The following HDAC8 variants were observed in gnomAD, a reference collection of about 807,000 sequenced individuals.
The protein encoded by HDAC8 is histone deacetylase 8.
HDAC8 carries 1 observed loss-of-function variant against 32.2 expected under a neutral mutation model. The ratio of observed to expected loss-of-function variants is 0.03; its 90% CI spans 0.01 to 0.15. The LOEUF (loss-of-function observed/expected upper bound fraction) is 0.15, where lower values mean the gene tolerates loss of function less well. Among genes scored for constraint, HDAC8 ranks in the 10% least tolerant of loss-of-function variants. The probability of loss-of-function intolerance (pLI) is 1.00; values close to 1 mark genes in which losing one functional copy is unlikely to be tolerated. For missense variants in HDAC8, 117 were observed against 300.0 expected, an observed-to-expected ratio of 0.39 and a Z score of 4.51; for synonymous variants, 108 against 113.9, an observed-to-expected ratio of 0.95 and a Z score of 0.33.
intron 4 of HDAC8, among the ~76,000 whole-genome samples, chrX:72,507,077 G>A (rs977487603): frequency 4.5e-5 from 5 of 110,815 alleles, no homozygotes; most frequent in Middle Eastern, 4.6e-3. Context: ...TCGAACTCCC[G>A]AGCTCAAGCA....
intron 6 of HDAC8, among the ~76,000 whole-genome samples, chrX:72,490,082 T>A (rs1466247239): frequency 3.6e-5 from 4 of 110,433 alleles, no homozygotes; most frequent in Non-Finnish European, 5.7e-5. Context: ...AGAATGGCGA[T>A]CATTAAAAAG....
chrX:72,462,788 C>A (rs1015454915), intron 8 of HDAC8, among the ~76,000 whole-genome samples: 4 of 111,502 alleles, frequency 3.6e-5, no homozygotes, highest in Admixed American at 9.5e-5. Flanking sequence ...CTCTGCCATG[C>A]AAGCATTAGA....
intron 4 of HDAC8, among the ~76,000 whole-genome samples, chrX:72,526,015 T>C (rs1390282125): frequency 9.2e-6 from 1 of 108,648 alleles, no homozygotes; most frequent in Non-Finnish European, 1.9e-5. Context: ...AAGAATCGTT[T>C]GAGCCCAGGA....
intron 9 of HDAC8, among the ~76,000 whole-genome samples, chrX:72,440,959 C>A (rs189815748): frequency 8.9e-6 from 1 of 112,856 alleles, no homozygotes; most frequent in African/African-American, 3.2e-5. Flanking sequence ...GTTCAAACTG[C>A]AAGGCGGCAG....
intron 10 of HDAC8, among the ~76,000 whole-genome samples, chrX:72,343,379 C>T (rs782494793): frequency 6.4e-5 from 7 of 109,780 alleles, no homozygotes; most frequent in African/African-American, 2.3e-4. Context: ...TGCCATGTTG[C>T]CCAGGCTGGT....
intron 9 of HDAC8, among the ~76,000 whole-genome samples, chrX:72,460,921 C>G (rs1369952915): frequency 8.9e-6 from 1 of 112,125 alleles, no homozygotes; most frequent in Non-Finnish European, 1.9e-5. Context: ...ACCCTGACAT[C>G]AGCAAATTGT....
At chrX:72,393,089 T>C in intron 9 of HDAC8, among the ~76,000 whole-genome samples, 1 of 112,055 alleles carries the variant, frequency 8.9e-6, no homozygotes, top group South Asian at 3.8e-4. Context: ...AGGTCAAAGC[T>C]AAAATCCGTT....
chrX:72,468,270 G>A (rs143447239), intron 7 of HDAC8, among the ~76,000 whole-genome samples: 3,021 of 111,447 alleles, frequency 0.027, 96 homozygotes, highest in African/African-American at 0.093. Flanking sequence ...TAGGGTCAAC[G>A]TGACGAAGTC....
chrX:72,487,687 T>A (rs1368109093), intron 7 of HDAC8, among the ~76,000 whole-genome samples: 3 of 104,361 alleles, frequency 2.9e-5, no homozygotes, highest in Non-Finnish European at 5.8e-5. Context: ...GAGGAGACAC[T>A]GTGGACAGTG....
At chrX:72,378,335 T>G (rs782761106) in intron 9 of HDAC8, among the ~76,000 whole-genome samples, 1 of 111,392 alleles carries the variant, frequency 9.0e-6, no homozygotes, top group Non-Finnish European at 1.9e-5. Flanking sequence ...AGAAATGGAT[T>G]AGTTCCTGCA....
Position 72,512,018 on chromosome X carries a change from G to A in HDAC8, c.438-16750C>T, listed in dbSNP as rs781838652. 1.2e-4 allele frequency among the ~76,000 whole-genome samples: 13 copies of A among 111,668 alleles called. No homozygotes were observed. The South Asian group carries it at 2.6e-3, about 23-fold the overall frequency. On this transcript the variant is annotated intron_variant, in intron 4 of 10. Coordinates refer to ENST00000373573, the MANE Select transcript of HDAC8 (RefSeq NM_018486.3). Reference sequence around the variant, plus strand: ...TCAATATCTTTCATCTGTAGGCTGCGACTTCTTAGCAAAATGGTGATTATA... The same window carrying A: ...TCAATATCTTTCATCTGTAGGCTGCAACTTCTTAGCAAAATGGTGATTATA...
At chrX:72,559,912 A>G (rs1460813310) in intron 4 of HDAC8, among the ~76,000 whole-genome samples, 1 of 97,589 alleles carries the variant, frequency 1.0e-5, no homozygotes, top group Non-Finnish European at 2.1e-5. Context: ...GGCAGCCCCC[A>G]CCCCGCCAGC....
chrX:72,564,498 A>C (rs2051706805), intron 4 of HDAC8, among the ~76,000 whole-genome samples: 1 of 112,675 alleles, frequency 8.9e-6, no homozygotes, highest in Admixed American at 9.4e-5. Context: ...TTCTAAGCTT[A>C]GAAAATTCTT....
chrX:72,428,186 C>G (rs1253511970), intron 9 of HDAC8, among the ~76,000 whole-genome samples: 2 of 112,265 alleles, frequency 1.8e-5, no homozygotes, highest in African/African-American at 6.5e-5. Flanking sequence ...CTCCGCCTCC[C>G]AGGTTCACGC....
chrX:72,509,405 G>A (rs886526186), intron 4 of HDAC8, among the ~76,000 whole-genome samples: 2 of 111,583 alleles, frequency 1.8e-5, no homozygotes, highest in South Asian at 3.8e-4. Flanking sequence ...CACCCCGCCC[G>A]GCCTCTCTTA....
At chrX:72,355,852 G>C (rs1292469051) in intron 9 of HDAC8, among the ~76,000 whole-genome samples, 2 of 112,109 alleles carry the variant, frequency 1.8e-5, no homozygotes, top group African/African-American at 6.5e-5. Flanking sequence ...TTTTATCCTT[G>C]CTTCAACATT....
At chrX:72,455,176 T>C (rs2047686828) in intron 9 of HDAC8, among the ~76,000 whole-genome samples, 1 of 112,024 alleles carries the variant, frequency 8.9e-6, no homozygotes, top group Non-Finnish European at 1.9e-5. Flanking sequence ...TATATTTGCA[T>C]GGAGGTGCAA....
chrX:72,383,862 G>A lies in HDAC8; in HGVS notation c.1006-32024C>T, dbSNP rs781853586. On this transcript the variant is annotated intron_variant, in intron 9 of 10. Transcript: ENST00000373573. ...TCCAGCCTGGGTGACAGAGTGAGAT[G>A]CCATCTCAAAAAAAAAAAAAAAAAA... Among the ~76,000 whole-genome samples the A allele has an allele frequency of 7.5e-5, 6 of 80,092 alleles. No individual in the cohort carries two copies. The East Asian group carries it at 2.4e-3, about 32-fold the overall frequency. 69.6% of individuals were successfully genotyped at this position (80,092 alleles called of 115,157 possible). A position where few individuals can be genotyped will look rare whatever the true frequency, so the allele number is the denominator to read the frequency against.
At chrX:72,356,664 T>C (rs1455303973) in intron 9 of HDAC8, among the ~76,000 whole-genome samples, 2 of 110,225 alleles carry the variant, frequency 1.8e-5, no homozygotes, top group Non-Finnish European at 3.8e-5. Flanking sequence ...AGCTTCCACC[T>C]CCCCTCCCGG....
Sources: gnomAD v4.1 joint callset for allele counts (sites outside exome capture counted in the v4.1 genomes callset) on GRCh38, gnomAD v4.1.1 for gene constraint, MANE v1.5 for transcripts, NCBI Gene and HGNC (gene_info 2026-07-23, HGNC 2026-07-21) for gene names.